TBX18: variants seen among roughly 807,000 people sequenced by gnomAD.
The protein encoded by TBX18 is T-box transcription factor TBX18.
Under a neutral mutation model 55.0 loss-of-function variants are expected in TBX18, and 21 were observed. The observed-to-expected ratio is 0.38, with a 90% confidence interval of 0.27 to 0.55. TBX18 has a LOEUF of 0.55. Among genes scored for constraint, TBX18 ranks in the 20% least tolerant of loss-of-function variants. The probability of loss-of-function intolerance (pLI) is 0.73; values close to 1 mark genes in which losing one functional copy is unlikely to be tolerated. For synonymous variants in TBX18, 342 were observed against 326.1 expected, an observed-to-expected ratio of 1.05 and a Z score of -0.53; for missense variants, 840 against 799.6, an observed-to-expected ratio of 1.05 and a Z score of -0.61.
In TBX18 at chr6:84,734,513, A is replaced by G. The variant is rs1471489223; in HGVS notation, c.*2172T>C. ...AATACAGATATATAATTATCAATGT[A>G]TGCATGTCATTTAATTCAGCAATAA... On this transcript the variant is annotated 3_prime_UTR_variant, in exon 8 of 8. Coordinates refer to ENST00000369663, the MANE Select transcript of TBX18 (RefSeq NM_001080508.3). 1.3e-5 allele frequency: 2 copies of G among 152,640 alleles called. No homozygotes were observed. Among genetic ancestry groups the G allele is most frequent in the Admixed American group, 6.5e-5 (1 of 15,280 alleles). The allele number at this position is 152,640 out of a possible 1,614,324, so 9.5% of individuals were successfully genotyped here.
Position 84,764,221 on chromosome 6 carries a change from A to G in TBX18, c.-40T>C, listed in dbSNP as rs1217578161. 2 of 1,372,006 alleles carry G rather than the reference A, an allele frequency of 1.5e-6. No homozygotes were observed. The highest frequency in any genetic ancestry group is 3.4e-5 in the African/African-American group (2 of 58,968). 85.0% of individuals were successfully genotyped at this position (1,372,006 alleles called of 1,614,324 possible). A position where few individuals can be genotyped will look rare whatever the true frequency, so the allele number is the denominator to read the frequency against. On this transcript the variant is annotated 5_prime_UTR_variant, in exon 1 of 8. Coordinates refer to ENST00000369663, the MANE Select transcript of TBX18 (RefSeq NM_001080508.3). ...GCCCGCCCGCCCCTCTCTCATATACACTCACGCGGGCACACGCGCGCTCTC... is the reference window on the plus strand; with the variant it reads ...GCCCGCCCGCCCCTCTCTCATATACGCTCACGCGGGCACACGCGCGCTCTC...
Position 84,734,691 on chromosome 6 carries a change from G to C in TBX18, c.*1994C>G, listed in dbSNP as rs558409398. On this transcript the variant is annotated 3_prime_UTR_variant, in exon 8 of 8. Coordinates refer to ENST00000369663, the MANE Select transcript of TBX18 (RefSeq NM_001080508.3). Reference sequence around the variant, plus strand: ...CATCTGAAATGATCAACGGCAAGAAGGAAAATGCTCTTATTAATACATATG... The same window carrying C: ...CATCTGAAATGATCAACGGCAAGAACGAAAATGCTCTTATTAATACATATG... 1 of 152,434 alleles carries C rather than the reference G, an allele frequency of 6.6e-6. No individual in the cohort carries two copies. Among genetic ancestry groups the C allele is most frequent in the Non-Finnish European group, 1.5e-5 (1 of 68,004 alleles). 9.4% of individuals were successfully genotyped at this position (152,434 alleles called of 1,614,324 possible).
At chr6:84,762,886 C>G (rs1383384320) in intron 1 of TBX18, 138 bp from the exon 2 acceptor site, 1 of 785,876 alleles carries the variant, frequency 1.3e-6, no homozygotes, top group Non-Finnish European at 2.1e-6. Flanking sequence ...ATCAGGTCCT[C>G]CTAAAGAACA....
chr6:84,740,324 C>G (rs1478227095), intron 6 of TBX18, among the ~76,000 whole-genome samples: 2 of 152,064 alleles, frequency 1.3e-5, no homozygotes, highest in South Asian at 2.1e-4. Flanking sequence ...CTCACTAAAA[C>G]TCATTGTCTG....
At chr6:84,761,943 C>G (rs1315303165) in intron 2 of TBX18, among the ~76,000 whole-genome samples, 1 of 152,088 alleles carries the variant, frequency 6.6e-6, no homozygotes, top group Non-Finnish European at 1.5e-5. Context: ...TTTTAAAAAT[C>G]AGGGTAATTA....
chr6:84,737,095 C>T lies in TBX18; in HGVS notation c.1414G>A (p.Gly472Ser). The T allele has an allele frequency of 6.2e-7, 1 of 1,614,204 alleles. No individual in the cohort carries two copies. The highest frequency in any genetic ancestry group is 2.2e-5 in the East Asian group (1 of 44,872). The change falls in exon 8 of 8, where the codon GGC becomes AGC. Residue 472 changes from glycine to serine, a missense_variant. By Grantham distance (56) the Gly-to-Ser change is moderately conservative. Coordinates refer to ENST00000369663, the MANE Select transcript of TBX18 (RefSeq NM_001080508.3). Reference sequence around the variant, plus strand: ...CAGCTGAAGGTGTCCCCATCAGTGCCACCCATGGACATGTTCACGGAGGTG... The same window carrying T: ...CAGCTGAAGGTGTCCCCATCAGTGCTACCCATGGACATGTTCACGGAGGTG... ...SSTSVNMSMG[G>S]TDGDTFSCPQ...
chr6:84,760,308 G>A lies in TBX18; in HGVS notation c.546C>T (p.His182=). The part of the protein sequence containing the change: ...MRVKISGLDP[H]QQYYIAMDIV... ...TATCCATGGCAATGTAATATTGCTGGTGAGGATCTAATCCAGAGATCTTCA... is the reference window on the plus strand; with the variant it reads ...TATCCATGGCAATGTAATATTGCTGATGAGGATCTAATCCAGAGATCTTCA... The change falls in exon 3 of 8, where the codon CAC becomes CAT. Residue 182 remains histidine, a synonymous_variant. Coordinates refer to ENST00000369663, the MANE Select transcript of TBX18 (RefSeq NM_001080508.3). The A allele has an allele frequency of 6.2e-7, 1 of 1,607,680 alleles. No homozygotes were observed. The highest frequency in any genetic ancestry group is 8.5e-7 in the Non-Finnish European group (1 of 1,176,230).
intron 7 of TBX18, among the ~76,000 whole-genome samples, 163 bp downstream of exon 7, chr6:84,738,334 C>T (rs541221888): frequency 6.6e-6 from 1 of 152,178 alleles, no homozygotes; most frequent in Admixed American, 6.5e-5. Flanking sequence ...CCGTTTTTTC[C>T]TGATCCATCC....
At chr6:84,756,379 G>A (rs1278928309) in intron 4 of TBX18, among the ~76,000 whole-genome samples, 1 of 152,156 alleles carries the variant, frequency 6.6e-6, no homozygotes, top group Non-Finnish European at 1.5e-5. Context: ...CAACTCCAAA[G>A]TATTCATATT....
intron 5 of TBX18, among the ~76,000 whole-genome samples, chr6:84,746,542 TAA>T (rs1767196500): frequency 6.8e-6 from 1 of 146,810 alleles, no homozygotes; most frequent in South Asian, 2.1e-4. Flanking sequence ...ATTAAAATCA[TAA>T]ATACATTTAT....
At chr6:84,749,472 T>A (rs1430709573) in intron 4 of TBX18, among the ~76,000 whole-genome samples, 1 of 138,362 alleles carries the variant, frequency 7.2e-6, no homozygotes, top group Non-Finnish European at 1.6e-5. Context: ...GTGCTGTGGC[T>A]AAGATTTTTT....
chr6:84,760,376 G>T lies in TBX18; in HGVS notation c.498-20C>A, dbSNP rs1767616423. The T allele has an allele frequency of 6.3e-7, 1 of 1,578,818 alleles. No individual in the cohort carries two copies. ...ATGCGCCTATTTAAAAAGGCGAAGA[G>T]AAAGAGGGTTTGGGGTTTTTGTTTG... is the stretch of plus-strand genomic sequence containing the variant. On this transcript the variant is annotated intron_variant, in intron 2 of 7. Transcript: ENST00000369663.
In TBX18 at chr6:84,760,236, C is replaced by A; in HGVS notation, c.599+19G>T. The A allele has an allele frequency of 1.4e-6, 2 of 1,427,044 alleles. No homozygotes were observed. Among genetic ancestry groups the A allele is most frequent in the South Asian group, 2.8e-5 (2 of 71,426 alleles). The allele number at this position is 1,427,044 out of a possible 1,614,324, so 88.4% of individuals were successfully genotyped here. A position where few individuals can be genotyped will look rare whatever the true frequency, so the allele number is the denominator to read the frequency against. On this transcript the variant is annotated intron_variant, in intron 3 of 7. Transcript: ENST00000369663. The stretch of plus-strand genomic sequence containing the variant: ...CCTAGTGTTTTTTTTTTTAATTGTT[C>A]AGTATCTAATCACTGTACCTGTATC...
At chr6:84,740,802 G>A (rs1002835038) in intron 6 of TBX18, among the ~76,000 whole-genome samples, 2 of 152,190 alleles carry the variant, frequency 1.3e-5, no homozygotes, top group Non-Finnish European at 2.9e-5. Context: ...AAATACTAAA[G>A]TGATTATAGA....
rs1773893555 is a variant in TBX18 at position 84,734,698 on chromosome 6, G to T, written c.*1987C>A. The T allele has an allele frequency of 6.6e-6, 1 of 152,470 alleles. No individual in the cohort carries two copies. The highest frequency in any genetic ancestry group is 2.1e-4 in the South Asian group (1 of 4,822). 9.4% of individuals were successfully genotyped at this position (152,470 alleles called of 1,614,324 possible). A position where few individuals can be genotyped will look rare whatever the true frequency, so the allele number is the denominator to read the frequency against. ...AATGATCAACGGCAAGAAGGAAAAT[G>T]CTCTTATTAATACATATGGGTATAG... On this transcript the variant is annotated 3_prime_UTR_variant, in exon 8 of 8. Transcript: ENST00000369663.
chr6:84,744,234 ACCGGAATGGT>A lies in TBX18; in HGVS notation c.1004+17_1004+26del. The stretch of plus-strand genomic sequence containing the variant: ...TAAAATATCAAATATATTTATCATA[ACCGGAATGGT>A]CTTCACTAAGGCCCACCTGTTGCGC... On this transcript the variant is annotated intron_variant, in intron 6 of 7. Coordinates refer to ENST00000369663, the MANE Select transcript of TBX18 (RefSeq NM_001080508.3). 6.3e-7 allele frequency: 1 copy of A among 1,584,306 alleles called. No homozygotes were observed. Among genetic ancestry groups the A allele is most frequent in the Admixed American group, 1.8e-5 (1 of 55,812 alleles).
intron 4 of TBX18, among the ~76,000 whole-genome samples, chr6:84,753,260 C>A (rs946947673): frequency 5.9e-5 from 9 of 152,190 alleles, no homozygotes; most frequent in African/African-American, 2.2e-4. Flanking sequence ...GGCAAAACCT[C>A]AATGTCACAT....
chr6:84,748,013 A>G lies in TBX18; in HGVS notation c.846T>C (p.Ser282=). The G allele has an allele frequency of 6.2e-7, 1 of 1,613,534 alleles. No individual in the cohort carries two copies. Among genetic ancestry groups the G allele is most frequent in the Non-Finnish European group, 8.5e-7 (1 of 1,179,546 alleles). The change falls in exon 5 of 8, where the codon TCT becomes TCC. Residue 282 remains serine, a synonymous_variant. Coordinates refer to ENST00000369663, the MANE Select transcript of TBX18 (RefSeq NM_001080508.3). ...VIRKDCGDDL[S]PIKPVPSGEG... is the part of the protein sequence containing the mutation. ...CCCCGGATGGAACAGGCTTGATGGG[A>G]GAAAGATCGTCTCCACAGTCTTTAC...
chr6:84,762,182 C>A (rs2127882309), intron 2 of TBX18, among the ~76,000 whole-genome samples: 1 of 152,256 alleles, frequency 6.6e-6, no homozygotes, highest in South Asian at 2.1e-4. Context: ...AGAATGTTTC[C>A]TAGTTCCAGA....
Sources: gnomAD v4.1 joint callset for allele counts (sites outside exome capture counted in the v4.1 genomes callset) on GRCh38, gnomAD v4.1.1 for gene constraint, MANE v1.5 for transcripts, NCBI Gene and HGNC (gene_info 2026-07-23, HGNC 2026-07-21) for gene names.